PACS2: variants seen among roughly 807,000 people sequenced by gnomAD.
The protein encoded by PACS2 is phosphofurin acidic cluster sorting protein 2, also known as PACS1-like protein.
A neutral mutation model predicts 113.0 loss-of-function variants in PACS2; 36 were observed. The observed-to-expected ratio is 0.32, with a 90% CI of 0.24 to 0.42. The LOEUF (loss-of-function observed/expected upper bound fraction) is 0.42, where lower values mean the gene tolerates loss of function less well. Ranked by LOEUF, PACS2 falls within the 10% of genes least tolerant of loss-of-function variation. PACS2 has a pLI of 1.00. For synonymous variants in PACS2, 589 were observed against 536.1 expected (o/e 1.10, Z -1.36); for missense variants, 1,015 against 1,239.5 (o/e 0.82, Z 2.72).
At chr14:105,380,630 C>T (rs1449156910) in intron 11 of PACS2, among the ~76,000 whole-genome samples, 1 of 152,206 alleles carries the variant, frequency 6.6e-6, no homozygotes, top group Non-Finnish European at 1.5e-5. Context: ...CCGGACTCCC[C>T]CCACCCTCAG....
intron 1 of PACS2, among the ~76,000 whole-genome samples, chr14:105,303,517 A>G (rs1242711917): frequency 2.0e-5 from 3 of 152,250 alleles, no homozygotes; most frequent in Non-Finnish European, 4.4e-5. Context: ...TGCTGGGACT[A>G]TGGGCGTGAG....
intron 1 of PACS2, among the ~76,000 whole-genome samples, chr14:105,346,330 C>T (rs1015672975): frequency 6.6e-5 from 10 of 152,222 alleles, no homozygotes; most frequent in Non-Finnish European, 1.2e-4. Context: ...TTGTTTGGAA[C>T]AGGCCGCCCT....
chr14:105,358,507 G>A lies in PACS2; in HGVS notation c.423+3330G>A, dbSNP rs587725623. Among the ~76,000 whole-genome samples, 14 of 152,278 alleles carry A rather than the reference G, an allele frequency of 9.2e-5. No individual in the cohort carries two copies. The South Asian group carries it at 1.9e-3, about 20-fold the overall frequency. On this transcript the variant is annotated intron_variant, in intron 4 of 24. Transcript: ENST00000447393. This position sits in a 1 kb window ranked among gnomAD's most constrained non-coding sequence, Gnocchi z 4.9. ...GTAGAGGGAGTGTGTAGGGGTGGGCGTTCGTGTGGCCAGACCACCCTGGGG... is the reference window on the plus strand; with the variant it reads ...GTAGAGGGAGTGTGTAGGGGTGGGCATTCGTGTGGCCAGACCACCCTGGGG...
chr14:105,337,668 T>A (rs2059577325), intron 1 of PACS2, among the ~76,000 whole-genome samples: 1 of 152,156 alleles, frequency 6.6e-6, no homozygotes, highest in Non-Finnish European at 1.5e-5. Context: ...TTTGGGTTCC[T>A]GTTCAAAATG....
At chr14:105,325,934 C>T (rs759857423) in intron 1 of PACS2, among the ~76,000 whole-genome samples, 49 of 152,352 alleles carry the variant, frequency 3.2e-4, no homozygotes, top group Middle Eastern at 3.4e-3. Context: ...CCCACATCTG[C>T]ATCAGGACAG....
rs922988163 is a variant in PACS2 at position 105,344,732 on chromosome 14, A to G, written c.120-3761A>G. ...TTTGGTTTTATTTTATTGTTTATCTATTTTCAGTTTAGTTGTTCCTCTTTA... is the reference window on the plus strand; with the variant it reads ...TTTGGTTTTATTTTATTGTTTATCTGTTTTCAGTTTAGTTGTTCCTCTTTA... On this transcript the variant is annotated intron_variant, in intron 1 of 24. Coordinates refer to ENST00000447393, the MANE Select transcript of PACS2 (RefSeq NM_001100913.3). 2.6e-5 allele frequency among the ~76,000 whole-genome samples: 4 copies of G among 151,922 alleles called. No individual in the cohort carries two copies. In the South Asian group the frequency reaches 8.3e-4, roughly 32 times the overall value.
In PACS2 at chr14:105,376,907, C is replaced by A. The variant is rs2080802373; in HGVS notation, c.941C>A (p.Thr314Asn). 6.2e-7 allele frequency: 1 copy of A among 1,610,058 alleles called. No individual in the cohort carries two copies. The highest frequency in any genetic ancestry group is 8.5e-7 in the Non-Finnish European group (1 of 1,178,296). Residue 314 changes from threonine to asparagine, a missense_variant, in exon 9 of 25, where the codon ACC (threonine) becomes AAC (asparagine). Thr to Asn is a moderately conservative substitution (Grantham distance 65). Coordinates refer to ENST00000447393, the MANE Select transcript of PACS2 (RefSeq NM_001100913.3). This position sits in a 1 kb window ranked among gnomAD's most constrained non-coding sequence, Gnocchi z 4.7. ...GAGGATGACGACAGCGTCCTCAGCA[C>A]CCCCAAGCCGAAGCTGCGGTGAGCC... ...DMEDDDSVLS[T>N]PKPKLRPYFE...
At chr14:105,383,139 C>A in intron 15 of PACS2, 1 of 639,450 alleles carries the variant, frequency 1.6e-6, no homozygotes, top group Admixed American at 2.5e-5. Flanking sequence ...GGCCTCCTGG[C>A]CTGTCCTTGG....
At chr14:105,306,287 G>GTTTGTTTTGT (rs202210208) in intron 1 of PACS2, among the ~76,000 whole-genome samples, 1,884 of 151,494 alleles carry the variant, frequency 0.012, 41 homozygotes, top group African/African-American at 0.043. Context: ...TTGTTTTTGG[G>GTTTGTTTTGT]TTTGTTTTGT....
chr14:105,335,764 T>C (rs905036765), intron 1 of PACS2, among the ~76,000 whole-genome samples: 2 of 152,230 alleles, frequency 1.3e-5, no homozygotes, highest in Non-Finnish European at 2.9e-5. Flanking sequence ...GGAGCAGCCA[T>C]GTCCAGATAA....
rs1243711742 is a variant in PACS2, at chr14:105,355,173, C to T, written c.419C>T (p.Ala140Val). 16 of 1,612,888 alleles carry T rather than the reference C, an allele frequency of 9.9e-6. No homozygotes were observed. The highest frequency in any genetic ancestry group is 1.2e-5 in the Non-Finnish European group (14 of 1,179,804). ...CTGGCCGCGGGCTCCATCAGCATGG[C>T]TGAGGTGAGTGCTCCGTCTGGCGTG... ...KTLAAGSISM[A>V]EVMQHPSEGG... Residue 140 changes from alanine to valine, a missense_variant, in exon 4 of 25, where the codon GCT becomes GTT. Physicochemically the swap from Ala to Val is moderately conservative, Grantham distance 64. Transcript: ENST00000447393. This position sits in a 1 kb window ranked among gnomAD's most constrained non-coding sequence, Gnocchi z 4.1.
chr14:105,302,913 G>T (rs2058082826), intron 1 of PACS2, among the ~76,000 whole-genome samples: 1 of 151,888 alleles, frequency 6.6e-6, no homozygotes, highest in African/African-American at 2.4e-5. Flanking sequence ...TTACAGGCAT[G>T]AGCCACTGCT....
rs182437420 is a variant in PACS2, at chr14:105,373,509, C to T, written c.802-3259C>T. On this transcript the variant is annotated intron_variant, in intron 8 of 24. Coordinates refer to ENST00000447393, the MANE Select transcript of PACS2 (RefSeq NM_001100913.3). ...AGGTGCTAGGACCACTGGATATCCACATGCAAAAGAAGGAATTACAGCCAG... is the reference window on the plus strand; with the variant it reads ...AGGTGCTAGGACCACTGGATATCCATATGCAAAAGAAGGAATTACAGCCAG... 5.5e-3 allele frequency among the ~76,000 whole-genome samples: 844 copies of T among 152,336 alleles called. 11 individuals are homozygous for T. Among genetic ancestry groups the T allele is most frequent in the African/African-American group, 0.019 (801 of 41,578 alleles).
In PACS2 at chr14:105,393,229, T is replaced by C. The variant is rs782530336; in HGVS notation, c.2490T>C (p.Phe830=). 3.0e-5 allele frequency: 49 copies of C among 1,612,214 alleles called. No individual in the cohort carries two copies. Among genetic ancestry groups the C allele is most frequent in the Non-Finnish European group, 4.2e-5 (49 of 1,179,410 alleles). The change falls in exon 24 of 25, where the codon TTT becomes TTC. Residue 830 remains phenylalanine, a synonymous_variant. Coordinates refer to ENST00000447393, the MANE Select transcript of PACS2 (RefSeq NM_001100913.3). ...CCTCTTTTCTCCTCCCAGTGATGTT[T>C]CTGCCCAAGAAAGCGAAGGACAAGG... ...VTKEKNKKVM[F]LPKKAKDKDV...
Position 105,394,717 on chromosome 14 carries a change from GC to G in PACS2, c.*48del. On this transcript the variant is annotated 3_prime_UTR_variant, in exon 25 of 25. Transcript: ENST00000447393. ...CACCTCCTGCCCCATGCTGTGAGGG[GC>G]CCAGCTGCATTTCTGTTAACATTTC... 2.5e-6 allele frequency: 3 copies of G among 1,178,886 alleles called. No individual in the cohort carries two copies. The highest frequency in any genetic ancestry group is 3.8e-6 in the Non-Finnish European group (3 of 783,722). The allele number at this position is 1,178,886 out of a possible 1,614,324, so 73.0% of individuals were successfully genotyped here.
At chr14:105,369,331 C>T (rs782550423) in intron 7 of PACS2, among the ~76,000 whole-genome samples, 3 of 152,212 alleles carry the variant, frequency 2.0e-5, no homozygotes, top group South Asian at 2.1e-4. Flanking sequence ...GAAGGGAGGG[C>T]GTGGGCTGCC....
chr14:105,371,951 C>G (rs2061172174), intron 8 of PACS2: 1 of 152,260 alleles, frequency 6.6e-6, no homozygotes, highest in Non-Finnish European at 1.5e-5. Context: ...TCAAGCCTCC[C>G]TCATCAGGGC....
chr14:105,376,745 A>G lies in PACS2; in HGVS notation c.802-23A>G. On this transcript the variant is annotated intron_variant, in intron 8 of 24. Coordinates refer to ENST00000447393, the MANE Select transcript of PACS2 (RefSeq NM_001100913.3). This position sits in a 1 kb window ranked among gnomAD's most constrained non-coding sequence, Gnocchi z 4.7. ...CAATGTGGGCTGCTGCAGGGAACTC[A>G]CGCGTGCCTGGCACCCGTGCAGGTC... 6.2e-7 allele frequency: 1 copy of G among 1,609,064 alleles called. No individual in the cohort carries two copies. Among genetic ancestry groups the G allele is most frequent in the Non-Finnish European group, 8.5e-7 (1 of 1,177,458 alleles).
intron 1 of PACS2, among the ~76,000 whole-genome samples, chr14:105,344,663 G>T (rs1021596585): frequency 6.6e-6 from 1 of 152,106 alleles, no homozygotes; most frequent in Admixed American, 6.5e-5. Flanking sequence ...CTTTGTTTGG[G>T]TAGAGGTTTT....
Sources: gnomAD v4.1 joint callset for allele counts (sites outside exome capture counted in the v4.1 genomes callset) on GRCh38, gnomAD v4.1.1 for gene constraint, Gnocchi (gnomAD v3.1) non-coding constraint, MANE v1.5 for transcripts, NCBI Gene and HGNC (gene_info 2026-07-23, HGNC 2026-07-21) for gene names.